Variants in TRMT9B observed in about 807,000 individuals in gnomAD.
TRMT9B encodes the protein probable tRNA methyltransferase 9B.
Under a neutral mutation model 11.5 loss-of-function variants are expected in TRMT9B, and 16 were observed. The observed-to-expected ratio is 1.39, with a 90% CI of 0.94 to 2.11. The LOEUF (loss-of-function observed/expected upper bound fraction) is 2.11, where lower values mean the gene tolerates loss of function less well. Ranked by LOEUF, TRMT9B falls within the 30% of genes most tolerant of loss-of-function variation. The pLI is 0.00. For missense variants in TRMT9B, 941 were observed against 553.8 expected, an observed-to-expected ratio of 1.70 and a Z score of -7.02; for synonymous variants, 274 against 192.4, an observed-to-expected ratio of 1.42 and a Z score of -3.51.
At chr8:12,950,630 A>G (rs922223820) in intron 1 of TRMT9B, among the ~76,000 whole-genome samples, 26 of 152,114 alleles carry the variant, frequency 1.7e-4, no homozygotes, top group Non-Finnish European at 4.4e-5. Context: ...GAGGATAAAG[A>G]GAAGCCCAAA....
chr8:12,949,593 C>G (rs1447513684), intron 1 of TRMT9B, among the ~76,000 whole-genome samples: 1 of 152,134 alleles, frequency 6.6e-6, no homozygotes, highest in African/African-American at 2.4e-5. Flanking sequence ...CTACCTGCCT[C>G]CAAACAAGAA....
chr8:12,950,561 C>G (rs1399907720), intron 1 of TRMT9B, among the ~76,000 whole-genome samples: 1 of 151,858 alleles, frequency 6.6e-6, no homozygotes, highest in East Asian at 1.9e-4. Flanking sequence ...TTCTTTCTTT[C>G]TTTTTGAATG....
chr8:12,970,651 C>T (rs939155475), intron 1 of TRMT9B, among the ~76,000 whole-genome samples: 6 of 152,174 alleles, frequency 3.9e-5, no homozygotes, highest in South Asian at 2.1e-4. Flanking sequence ...AATACTATTC[C>T]ATGGATTAAG....
intron 1 of TRMT9B, among the ~76,000 whole-genome samples, chr8:12,986,665 C>T (rs1443429458): frequency 1.3e-5 from 2 of 152,266 alleles, no homozygotes; most frequent in East Asian, 1.9e-4. Flanking sequence ...CTTTGCTTTA[C>T]CTTGTATTCT....
At chr8:12,971,865 C>T (rs1263213368) in intron 1 of TRMT9B, among the ~76,000 whole-genome samples, 4 of 152,004 alleles carry the variant, frequency 2.6e-5, no homozygotes, top group African/African-American at 9.7e-5. Context: ...GATTGGGTGC[C>T]TGCTTTGGGC....
rs1814097109 is a variant in TRMT9B, at chr8:13,022,333, A to C, written c.*289A>C. On this transcript the variant is annotated 3_prime_UTR_variant, in exon 5 of 5. Transcript: ENST00000524591. ...CTCAGACTTTTTTTTAACCCCAGAG[A>C]GATAAAATACATGTATAGTGTTTTT... 1 of 292,456 alleles carries C rather than the reference A, an allele frequency of 3.4e-6. No individual in the cohort carries two copies. The highest frequency in any genetic ancestry group is 4.9e-5 in the Admixed American group (1 of 20,368). The allele number at this position is 292,456 out of a possible 1,614,324, so 18.1% of individuals were successfully genotyped here. A position where few individuals can be genotyped will look rare whatever the true frequency, so the allele number is the denominator to read the frequency against.
intron 1 of TRMT9B, among the ~76,000 whole-genome samples, chr8:12,988,486 T>C (rs1397451100): frequency 6.6e-6 from 1 of 152,222 alleles, no homozygotes; most frequent in Non-Finnish European, 1.5e-5. Flanking sequence ...GAAAGAGGTT[T>C]AATTGACTCA....
chr8:12,987,917 G>A (rs147811600), intron 1 of TRMT9B, among the ~76,000 whole-genome samples: 2 of 152,142 alleles, frequency 1.3e-5, no homozygotes, highest in African/African-American at 2.4e-5. Context: ...GGATCCCACC[G>A]CATGTCATTA....
intron 1 of TRMT9B, among the ~76,000 whole-genome samples, chr8:12,954,161 C>T (rs976664734): frequency 2.6e-5 from 4 of 152,176 alleles, no homozygotes; most frequent in Admixed American, 2.6e-4. Flanking sequence ...TGGGGATCTT[C>T]CCAGTAAATC....
At chr8:13,004,041 GCC>G in intron 2 of TRMT9B, among the ~76,000 whole-genome samples, 1 of 151,938 alleles carries the variant, frequency 6.6e-6, no homozygotes, top group Middle Eastern at 3.4e-3. Flanking sequence ...ACTCAGTGCT[GCC>G]CTGTCACAGT....
chr8:12,969,846 A>ATTT (rs368805990), intron 1 of TRMT9B, among the ~76,000 whole-genome samples: 52 of 124,344 alleles, frequency 4.2e-4, no homozygotes, highest in Non-Finnish European at 6.0e-4. Flanking sequence ...TAATGTTTTA[A>ATTT]TTTTTTTTTT....
intron 1 of TRMT9B, among the ~76,000 whole-genome samples, chr8:12,988,446 G>C (rs1806721237): frequency 6.6e-6 from 1 of 152,162 alleles, no homozygotes. Context: ...TACTAATAAA[G>C]ACATACCCGA....
chr8:12,985,215 A>C (rs963937461), intron 1 of TRMT9B, among the ~76,000 whole-genome samples: 2 of 152,150 alleles, frequency 1.3e-5, no homozygotes, highest in African/African-American at 4.8e-5. Context: ...GTAACTTTCT[A>C]GTCCCTGATG....
At chr8:13,008,712 G>A (rs1810965576) in intron 3 of TRMT9B, among the ~76,000 whole-genome samples, 1 of 152,046 alleles carries the variant, frequency 6.6e-6, no homozygotes, top group Non-Finnish European at 1.5e-5. Flanking sequence ...TGCAACACAT[G>A]TCATAGAAAT....
chr8:12,951,895 G>T (rs890283424), intron 1 of TRMT9B: 1 of 152,354 alleles, frequency 6.6e-6, no homozygotes, highest in African/African-American at 2.4e-5. Context: ...GGGCCCAGGC[G>T]CCGGACGCCG....
chr8:12,990,697 C>G, intron 1 of TRMT9B, 137 bp from the exon 2 acceptor site: 2 of 301,224 alleles, frequency 6.6e-6, no homozygotes, highest in Non-Finnish European at 1.2e-5. Context: ...CTGGCACACT[C>G]CACATATTAA....
At chr8:13,014,928 G>A (rs1280004363) in intron 4 of TRMT9B, among the ~76,000 whole-genome samples, 1 of 152,022 alleles carries the variant, frequency 6.6e-6, no homozygotes, top group Non-Finnish European at 1.5e-5. Context: ...GGGCATGGTG[G>A]TGAGCACTTG....
intron 4 of TRMT9B, among the ~76,000 whole-genome samples, chr8:13,018,856 C>G (rs896748022): frequency 2.0e-5 from 3 of 152,106 alleles, no homozygotes; most frequent in East Asian, 3.8e-4. Context: ...TAAATAATAC[C>G]TCAACACTAT....
intron 1 of TRMT9B, among the ~76,000 whole-genome samples, chr8:12,948,555 G>A (rs2128854554): frequency 6.8e-6 from 1 of 147,378 alleles, no homozygotes; most frequent in East Asian, 2.0e-4. Context: ...CATTGCATAT[G>A]AATATATAAT....
Sources: gnomAD v4.1 joint callset for allele counts (sites outside exome capture counted in the v4.1 genomes callset) on GRCh38, gnomAD v4.1.1 for gene constraint, MANE v1.5 for transcripts, NCBI Gene and HGNC (gene_info 2026-07-23, HGNC 2026-07-21) for gene names.